STARD13: variants seen among roughly 807,000 people sequenced by gnomAD.
The protein encoded by STARD13 is StAR related lipid transfer domain containing 13, also known as stAR-related lipid transfer protein 13.
Under a neutral mutation model 106.4 loss-of-function variants are expected in STARD13, and 62 were observed. The ratio of observed to expected loss-of-function variants is 0.58; its 90% CI spans 0.48 to 0.72. The LOEUF is 0.72. Among genes scored for constraint, STARD13 ranks in the 30% least tolerant of loss-of-function variants. The pLI, the probability that STARD13 is intolerant of heterozygous loss-of-function variation, is 0.00. For missense variants in STARD13, 1,387 were observed against 1,424.0 expected, an observed-to-expected ratio of 0.97 and a Z score of 0.42; for synonymous variants, 565 against 553.0, an observed-to-expected ratio of 1.02 and a Z score of -0.31.
chr13:33,464,579 G>A, the STARD13 span, among the ~76,000 whole-genome samples: 6 of 152,298 alleles, frequency 3.9e-5, no homozygotes, highest in South Asian at 1.2e-3. Context: ...GCTGGGCATG[G>A]TGGCTCATGC....
At chr13:33,587,195 G>A in the STARD13 span, among the ~76,000 whole-genome samples, 70 of 146,084 alleles carry the variant, frequency 4.8e-4, no homozygotes, top group South Asian at 0.014. Context: ...CAGCCAGGGC[G>A]ACAGAGCGAG....
intron 3 of STARD13, among the ~76,000 whole-genome samples, chr13:33,148,758 A>C (rs1372029593): frequency 6.6e-6 from 1 of 152,258 alleles, no homozygotes; most frequent in Admixed American, 6.5e-5. Context: ...ATCCACATGC[A>C]AACCTGCACG....
chr13:33,633,196 T>C, the STARD13 span, among the ~76,000 whole-genome samples: 22 of 152,252 alleles, frequency 1.4e-4, 1 homozygote, highest in African/African-American at 5.3e-4. Flanking sequence ...CCTTCTAAAT[T>C]CCTCTTGTCA....
intron 1 of STARD13, among the ~76,000 whole-genome samples, chr13:33,283,081 T>C (rs1333256946): frequency 2.0e-5 from 3 of 152,132 alleles, no homozygotes; most frequent in Non-Finnish European, 2.9e-5. Flanking sequence ...CATCCTGTGT[T>C]ATTGGGTAGT....
chr13:33,668,914 C>T, the STARD13 span, among the ~76,000 whole-genome samples: 1 of 152,204 alleles, frequency 6.6e-6, no homozygotes, highest in African/African-American at 2.4e-5. Flanking sequence ...TCCAGCTGTG[C>T]TAAGTAGTTT....
the STARD13 span, among the ~76,000 whole-genome samples, chr13:33,362,597 C>T: frequency 6.6e-6 from 1 of 152,158 alleles, no homozygotes; most frequent in Non-Finnish European, 1.5e-5. Flanking sequence ...GTTCCTGGAA[C>T]ATTGCTTGGC....
At chr13:33,550,411 T>G in the STARD13 span, among the ~76,000 whole-genome samples, 1 of 152,232 alleles carries the variant, frequency 6.6e-6, no homozygotes, top group East Asian at 1.9e-4. Flanking sequence ...CTTAGCATCC[T>G]TAATTCCTAT....
chr13:33,240,998 A>G (rs116486333), intron 1 of STARD13, among the ~76,000 whole-genome samples: 2,815 of 152,292 alleles, frequency 0.018, 90 homozygotes, highest in African/African-American at 0.064. Context: ...ATATAAGATC[A>G]TGTCATCTGC....
chr13:33,263,875 G>C (rs7325230), intron 1 of STARD13, among the ~76,000 whole-genome samples: 40,952 of 152,020 alleles, frequency 0.27, 6,658 homozygotes, highest in African/African-American at 0.45. Flanking sequence ...ACACTCCTCC[G>C]ATTGAATAAT....
chr13:33,174,120 C>CTT (rs1884272810), intron 1 of STARD13, among the ~76,000 whole-genome samples: 1 of 152,112 alleles, frequency 6.6e-6, no homozygotes, highest in Admixed American at 6.5e-5. Context: ...TAAACCTAAG[C>CTT]AGGTTTATTC....
chr13:33,377,968 A>T, the STARD13 span, among the ~76,000 whole-genome samples: 2 of 152,326 alleles, frequency 1.3e-5, no homozygotes, highest in South Asian at 4.1e-4. Flanking sequence ...CAATTCTGGT[A>T]GGAATGTTGG....
At chr13:33,356,533 G>C in the STARD13 span, among the ~76,000 whole-genome samples, 5 of 152,158 alleles carry the variant, frequency 3.3e-5, no homozygotes, top group Non-Finnish European at 7.4e-5. Flanking sequence ...GCACCTACTA[G>C]CTGTGTAATC....
intron 4 of STARD13, among the ~76,000 whole-genome samples, chr13:33,134,489 A>G (rs922351825): frequency 6.6e-6 from 1 of 152,226 alleles, no homozygotes; most frequent in African/African-American, 2.4e-5. Context: ...GCATGTCTCA[A>G]GGTTATGATC....
rs769949937 is a variant in STARD13, at chr13:33,130,103, C to A, written c.574G>T (p.Glu192Ter). 3.7e-6 allele frequency: 6 copies of A among 1,614,032 alleles called. No homozygotes were observed. Among genetic ancestry groups the A allele is most frequent in the South Asian group, 1.1e-5 (1 of 91,058 alleles). The change falls in exon 5 of 14, where the codon GAG (glutamate) becomes TAG (stop). Residue 192 changes from glutamate (E) to a stop codon, truncating the protein, a stop_gained. Coordinates refer to ENST00000336934, the MANE Select transcript of STARD13 (RefSeq NM_178006.4). LOFTEE classifies it high-confidence loss of function. The surrounding 1 kb of genome is among the most constrained non-coding windows in gnomAD (Gnocchi z 4.1). ...SSESVLTDLS[E>*]PEVCSIHSES... ...CTGTGAATGGAGCAGACCTCAGGCT[C>A]GCTCAGGTCTGTGAGGACGCTCTCA...
the STARD13 span, among the ~76,000 whole-genome samples, chr13:33,529,069 T>A: frequency 1.3e-5 from 2 of 152,040 alleles, no homozygotes; most frequent in African/African-American, 4.8e-5. Context: ...TGACAGAACT[T>A]CAGGAAGCCA....
At chr13:33,106,684 C>G (rs1873753225) in intron 13 of STARD13, 74 bp downstream of exon 13, 1 of 1,351,812 alleles carries the variant, frequency 7.4e-7, no homozygotes, top group African/African-American at 1.5e-5. Context: ...ATCAGGGTGA[C>G]ATCCCTGCTG....
At chr13:33,516,874 G>A in the STARD13 span, among the ~76,000 whole-genome samples, 6 of 150,588 alleles carry the variant, frequency 4.0e-5, no homozygotes, top group Admixed American at 2.0e-4. Flanking sequence ...CCAGCAGTTC[G>A]AGGTTGTAGT....
intron 1 of STARD13, among the ~76,000 whole-genome samples, chr13:33,173,764 TA>T (rs945851661): frequency 2.0e-5 from 3 of 152,312 alleles, no homozygotes; most frequent in African/African-American, 7.2e-5. Context: ...CCACTTTATC[TA>T]TCCATAATTT....
downstream of STARD13, among the ~76,000 whole-genome samples, chr13:33,346,541 G>A (rs1191702839): frequency 6.6e-6 from 1 of 152,112 alleles, no homozygotes; most frequent in African/African-American, 2.4e-5. Flanking sequence ...TTCCTTCCTT[G>A]GGATGGAAAA....
Sources: allele counts gnomAD v4.1 joint callset (sites outside exome capture counted in the v4.1 genomes callset), GRCh38; gene constraint gnomAD v4.1.1; non-coding constraint Gnocchi (gnomAD v3.1); transcripts MANE v1.5; gene names NCBI Gene and HGNC (gene_info 2026-07-23, HGNC 2026-07-21).